Variants in HOXA3 observed in about 807,000 individuals in gnomAD.
The protein encoded by HOXA3 is homeobox A3, also known as homeobox protein Hox-A3.
In HOXA3, 8 loss-of-function variants were observed where a neutral mutation model predicts 30.3. That is an observed-to-expected ratio of 0.26 (90% CI 0.15 to 0.48). HOXA3 has a LOEUF of 0.48. Among genes scored for constraint, HOXA3 ranks in the 20% least tolerant of loss-of-function variants. The pLI is 0.99. For synonymous variants in HOXA3, 323 were observed against 273.1 expected (o/e 1.18, Z -1.80); for missense variants, 653 against 614.4 (o/e 1.06, Z -0.66).
Position 27,107,756 on chromosome 7 carries a change from A to G in HOXA3, c.*159T>C. The G allele has an allele frequency of 1.9e-6, 1 of 529,810 alleles. No homozygotes were observed. The highest frequency in any genetic ancestry group is 3.2e-6 in the Non-Finnish European group (1 of 310,168). The allele number at this position is 529,810 out of a possible 1,614,324, so 32.8% of individuals were successfully genotyped here. Reference sequence around the variant, plus strand: ...CATAAACTATAAAAACGCCTTACCAACGAGGGGGGAAACCGGGAAACGGAG... The same window carrying G: ...CATAAACTATAAAAACGCCTTACCAGCGAGGGGGGAAACCGGGAAACGGAG... On this transcript the variant is annotated 3_prime_UTR_variant, in exon 6 of 6. Coordinates refer to ENST00000612286, the MANE Select transcript of HOXA3 (RefSeq NM_153631.3).
intron 3 of HOXA3, chr7:27,124,515 T>G (rs1437970693): frequency 1.3e-5 from 2 of 152,200 alleles, no homozygotes; most frequent in Non-Finnish European, 2.9e-5. Context: ...GCCTGCCAGC[T>G]CCGTCCTCCC....
In HOXA3 at chr7:27,107,752, A is replaced by G. The variant is rs1391146507; in HGVS notation, c.*163T>C. ...GTCACATAAACTATAAAAACGCCTT[A>G]CCAACGAGGGGGGAAACCGGGAAAC... On this transcript the variant is annotated 3_prime_UTR_variant, in exon 6 of 6. Coordinates refer to ENST00000612286, the MANE Select transcript of HOXA3 (RefSeq NM_153631.3). 6 of 519,276 alleles carry G rather than the reference A, an allele frequency of 1.2e-5. No homozygotes were observed. Among genetic ancestry groups the G allele is most frequent in the African/African-American group, 1.9e-5 (1 of 51,402 alleles). 32.2% of individuals were successfully genotyped at this position (519,276 alleles called of 1,614,324 possible).
chr7:27,108,069 G>A lies in HOXA3; in HGVS notation c.1178C>T (p.Ser393Leu), dbSNP rs773785595. 18 of 1,612,942 alleles carry A rather than the reference G, an allele frequency of 1.1e-5. No homozygotes were observed. The highest frequency in any genetic ancestry group is 1.0e-4 in the Admixed American group (6 of 59,946). Residue 393 changes from serine to leucine, a missense_variant, in exon 6 of 6, where the codon TCG becomes TTG. This residue lies in a region of HOXA3 where 330 missense variants were observed against 274.4 expected (regional missense o/e 1.20). Transcript: ENST00000612286. The surrounding 1 kb of genome is among the most constrained non-coding windows in gnomAD (Gnocchi z 5.0). ...FGLTHLPHAA[S>L]GAMDYGGAGP... ...GGCACCCCCATAGTCCATGGCGCCC[G>A]AGGCAGCGTGGGGGAGGTGAGTTAG...
In HOXA3 at chr7:27,107,832, T is replaced by TAA. The variant is rs59078276; in HGVS notation, c.*81_*82dup. On this transcript the variant is annotated 3_prime_UTR_variant, in exon 6 of 6. Coordinates refer to ENST00000612286, the MANE Select transcript of HOXA3 (RefSeq NM_153631.3). ...AAGGAAGGAAAGGGCAGGAAGAACC[T>TAA]AAAAAAAAAAAAAAAAAAAAGCAAC... The TAA allele has an allele frequency of 3.5e-3, 1,910 of 544,732 alleles. 18 individuals carry two copies. The highest frequency in any genetic ancestry group is 0.028 in the African/African-American group (1,078 of 38,282). 33.7% of individuals were successfully genotyped at this position (544,732 alleles called of 1,614,324 possible).
intron 4 of HOXA3, among the ~76,000 whole-genome samples, chr7:27,118,486 C>T (rs563329173): frequency 1.3e-5 from 2 of 152,144 alleles, no homozygotes; most frequent in Non-Finnish European, 2.9e-5. Flanking sequence ...GAATATTTAG[C>T]TTTGGGGGAG....
chr7:27,129,252 G>A (rs1188380735), intron 2 of HOXA3: 2 of 1,600,862 alleles, frequency 1.2e-6, no homozygotes, highest in South Asian at 1.1e-5. Flanking sequence ...CGGGTGTGGA[G>A]GTGCTCGGGT....
At chr7:27,142,715 C>A in intron 1 of HOXA3, 1 of 332,124 alleles carries the variant, frequency 3.0e-6, no homozygotes, top group African/African-American at 2.1e-5. Context: ...GCTGCTACAG[C>A]CATCCTCTAC....
At chr7:27,133,135 A>G (rs948106058) in intron 2 of HOXA3, among the ~76,000 whole-genome samples, 3 of 152,160 alleles carry the variant, frequency 2.0e-5, no homozygotes, top group African/African-American at 7.2e-5. Context: ...CATAAACACA[A>G]ACGGAGCCAG....
chr7:27,119,878 G>C (rs1475023865), intron 4 of HOXA3, among the ~76,000 whole-genome samples: 1 of 152,148 alleles, frequency 6.6e-6, no homozygotes, highest in Non-Finnish European at 1.5e-5. Flanking sequence ...GGTTCAATCT[G>C]TGGTGTAGCT....
chr7:27,110,812 A>G, intron 4 of HOXA3, 52 bp from the exon 5 acceptor site: 1 of 882,826 alleles, frequency 1.1e-6, no homozygotes, highest in African/African-American at 1.7e-5. Context: ...AATCCATCTT[A>G]CTCTCAATAG....
intron 4 of HOXA3, among the ~76,000 whole-genome samples, chr7:27,117,613 A>G (rs959601560): frequency 6.6e-6 from 1 of 152,174 alleles, no homozygotes; most frequent in Non-Finnish European, 1.5e-5. Flanking sequence ...TGGAAGCATC[A>G]TCAATAAAAT....
At chr7:27,136,386 T>C (rs1785715441) in intron 2 of HOXA3, among the ~76,000 whole-genome samples, 3 of 152,202 alleles carry the variant, frequency 2.0e-5, no homozygotes, top group South Asian at 4.1e-4. Context: ...CGTGATTCTA[T>C]TTTACAAGGA....
At chr7:27,147,846 A>G in intron 1 of HOXA3, 1 of 1,154,268 alleles carries the variant, frequency 8.7e-7, no homozygotes, top group Non-Finnish European at 1.2e-6. Context: ...TGGATGGCCG[A>G]ACGCCAAAAG....
intron 4 of HOXA3, among the ~76,000 whole-genome samples, chr7:27,111,006 G>GCAAGCTGATTCTCAGGAGCCGGGATC: frequency 6.6e-6 from 1 of 152,212 alleles, no homozygotes; most frequent in Non-Finnish European, 1.5e-5. Context: ...AGTGAGGGCT[G>GCAAGCTGATTCTCAGGAGCCGGGATC]CAAGCTGATT....
intron 4 of HOXA3, chr7:27,121,199 G>C (rs1784987957): frequency 6.7e-6 from 1 of 148,288 alleles, no homozygotes; most frequent in African/African-American, 2.5e-5. Context: ...ATCAGGTAAG[G>C]CTCTCTTAGC....
chr7:27,146,036 C>T, intron 1 of HOXA3: 2 of 1,177,316 alleles, frequency 1.7e-6, no homozygotes, highest in Non-Finnish European at 2.4e-6. Flanking sequence ...ACTCCAGCCT[C>T]TCCCACTATG....
chr7:27,145,922 G>A (rs201765874), intron 1 of HOXA3: 2 of 1,611,156 alleles, frequency 1.2e-6, no homozygotes, highest in East Asian at 2.2e-5. Context: ...CAGCACCTAC[G>A]AGCAGAAACG....
At chr7:27,148,308 C>T (rs1185238689) in intron 1 of HOXA3, among the ~76,000 whole-genome samples, 1 of 152,280 alleles carries the variant, frequency 6.6e-6, no homozygotes, top group African/African-American at 2.4e-5. Flanking sequence ...CCCTAGCGCT[C>T]CCCTATTCGT....
chr7:27,143,706 C>T, intron 1 of HOXA3: 1 of 1,475,716 alleles, frequency 6.8e-7, no homozygotes, highest in Non-Finnish European at 9.0e-7. Flanking sequence ...ATGACTGGGA[C>T]ATGTACTTGG....
Sources: gnomAD v4.1 joint callset for allele counts (sites outside exome capture counted in the v4.1 genomes callset) on GRCh38, gnomAD v4.1.1 for gene constraint, gnomAD v4.1.1 regional missense constraint, Gnocchi (gnomAD v3.1) non-coding constraint, MANE v1.5 for transcripts, NCBI Gene and HGNC (gene_info 2026-07-23, HGNC 2026-07-21) for gene names.